Variants in ZDHHC2 observed in about 807,000 individuals in gnomAD.
ZDHHC2 encodes zDHHC palmitoyltransferase 2, also known as palmitoyltransferase ZDHHC2.
ZDHHC2 carries 51 observed loss-of-function variants against 55.6 expected under a neutral mutation model. The ratio of observed to expected loss-of-function variants is 0.92; its 90% CI spans 0.73 to 1.16. The LOEUF is 1.16. ZDHHC2 is among the 50% of genes most tolerant of loss of function. The pLI, the probability that ZDHHC2 is intolerant of heterozygous loss-of-function variation, is 0.00. For missense variants in ZDHHC2, 491 were observed against 442.4 expected (o/e 1.11, Z -0.99); for synonymous variants, 199 against 152.9 (o/e 1.30, Z -2.22).
intron 1 of ZDHHC2, 90 bp downstream of exon 1, chr8:17,156,943 C>G (rs906521718): frequency 2.2e-5 from 27 of 1,238,378 alleles, no homozygotes; most frequent in Non-Finnish European, 2.7e-5. Flanking sequence ...GCTCTCGCCC[C>G]CCGGATGCGC....
chr8:17,195,201 T>C (rs963113207), intron 3 of ZDHHC2, among the ~76,000 whole-genome samples: 1 of 152,224 alleles, frequency 6.6e-6, no homozygotes, highest in Non-Finnish European at 1.5e-5. Flanking sequence ...GTAACTCATA[T>C]TTTGTTGGAA....
intron 1 of ZDHHC2, among the ~76,000 whole-genome samples, chr8:17,162,003 C>G (rs1804368084): frequency 6.6e-6 from 1 of 152,148 alleles, no homozygotes; most frequent in African/African-American, 2.4e-5. Flanking sequence ...AACATTTCTT[C>G]AAATCAAAAA....
chr8:17,191,392 C>T (rs1218266898), intron 3 of ZDHHC2, among the ~76,000 whole-genome samples: 8 of 152,184 alleles, frequency 5.3e-5, no homozygotes, highest in Non-Finnish European at 1.0e-4. Flanking sequence ...CCACTGCGCC[C>T]AGCCTTATTC....
At chr8:17,208,425 C>G (rs17124212) in intron 8 of ZDHHC2, among the ~76,000 whole-genome samples, 21,186 of 151,558 alleles carry the variant, frequency 0.14, 1,561 homozygotes, top group South Asian at 0.25. Flanking sequence ...TTTAGAAACA[C>G]TCCATGTGGC....
At chr8:17,173,418 G>C (rs1804964926) in intron 1 of ZDHHC2, among the ~76,000 whole-genome samples, 1 of 152,154 alleles carries the variant, frequency 6.6e-6, no homozygotes, top group Admixed American at 6.5e-5. Context: ...GCTCATGCCT[G>C]TCATCCCAGC....
intron 6 of ZDHHC2, among the ~76,000 whole-genome samples, chr8:17,199,033 C>G (rs557888498): frequency 6.6e-6 from 1 of 152,292 alleles, no homozygotes; most frequent in African/African-American, 2.4e-5. Context: ...AGGCATATCT[C>G]TGACAGTCAT....
At chr8:17,182,587 T>TA (rs560109776) in intron 1 of ZDHHC2, among the ~76,000 whole-genome samples, 77 of 152,156 alleles carry the variant, frequency 5.1e-4, no homozygotes, top group South Asian at 3.7e-3. Flanking sequence ...TGTGTACTTT[T>TA]AAAAAAATAG....
chr8:17,200,621 A>C (rs1290653984), intron 6 of ZDHHC2, among the ~76,000 whole-genome samples: 1 of 152,232 alleles, frequency 6.6e-6, no homozygotes, highest in African/African-American at 2.4e-5. Context: ...ACAAAATTAC[A>C]AAAAGAGAAA....
intron 1 of ZDHHC2, among the ~76,000 whole-genome samples, chr8:17,177,884 A>C (rs1215945764): frequency 6.6e-6 from 1 of 152,138 alleles, no homozygotes; most frequent in Non-Finnish European, 1.5e-5. Flanking sequence ...ATGAGCAATA[A>C]AGGTAAATTA....
At chr8:17,209,296 G>A (rs1807257827) in intron 8 of ZDHHC2, among the ~76,000 whole-genome samples, 1 of 151,996 alleles carries the variant, frequency 6.6e-6, no homozygotes, top group Non-Finnish European at 1.5e-5. Flanking sequence ...ATAGTCAGCT[G>A]GAAAAATTTT....
intron 3 of ZDHHC2, among the ~76,000 whole-genome samples, chr8:17,189,500 CAA>C (rs1000907820): frequency 2.6e-5 from 4 of 152,192 alleles, no homozygotes; most frequent in Admixed American, 6.5e-5. Context: ...AGAAGGTACT[CAA>C]GAGATACTTT....
Position 17,191,825 on chromosome 8 carries a change from G to T in ZDHHC2, c.253-3679G>T, listed in dbSNP as rs552707632. On this transcript the variant is annotated intron_variant, in intron 3 of 12. Transcript: ENST00000262096. ...TAACATACTTGTTTCCTTTCTTTTG[G>T]GTATATACTCACAGTAGAATTGCTG... Among the ~76,000 whole-genome samples the T allele has an allele frequency of 3.9e-5, 6 of 152,026 alleles. No individual in the cohort carries two copies. In the South Asian group the frequency reaches 1.2e-3, roughly 32 times the overall value.
intron 1 of ZDHHC2, among the ~76,000 whole-genome samples, chr8:17,174,885 GT>G (rs898715041): frequency 2.0e-5 from 3 of 150,836 alleles, no homozygotes; most frequent in Admixed American, 6.6e-5. Context: ...TAATTGTGGG[GT>G]TTTTTTTGTT....
In ZDHHC2 at chr8:17,185,407, AGCACCTTGGGAG is replaced by A. The variant is rs530521250; in HGVS notation, c.157+595_157+606del. Among the ~76,000 whole-genome samples the A allele has an allele frequency of 3.3e-5, 5 of 152,278 alleles. No individual in the cohort carries two copies. In the East Asian group the frequency reaches 9.7e-4, roughly 29 times the overall value. ...CACAGTGGCTCATGCCTGTAATCTC[AGCACCTTGGGAG>A]GCCAAAGCGGGCAGATCATTTGAGG... On this transcript the variant is annotated intron_variant, in intron 2 of 12. Coordinates refer to ENST00000262096, the MANE Select transcript of ZDHHC2 (RefSeq NM_016353.5).
intron 1 of ZDHHC2, among the ~76,000 whole-genome samples, chr8:17,160,601 C>T (rs2150874304): frequency 6.6e-6 from 1 of 152,302 alleles, no homozygotes; most frequent in South Asian, 2.1e-4. Context: ...CCCAGCAAAC[C>T]CCTCTCCAAA....
chr8:17,161,308 C>G (rs1585634915), intron 1 of ZDHHC2, among the ~76,000 whole-genome samples: 1 of 152,154 alleles, frequency 6.6e-6, no homozygotes, highest in African/African-American at 2.4e-5. Context: ...TTATTAATAT[C>G]TTGATATTCC....
chr8:17,174,902 G>C lies in ZDHHC2; in HGVS notation c.131-9887G>C, dbSNP rs186706169. Among the ~76,000 whole-genome samples, 25 of 151,396 alleles carry C rather than the reference G, an allele frequency of 1.7e-4. No individual in the cohort carries two copies. In the East Asian group the frequency reaches 4.3e-3, roughly 26 times the overall value. ...ATTGTGGGGTTTTTTTTGTTTGTTT[G>C]TTTTAGTAGAGACAGAGTTTTACCA... On this transcript the variant is annotated intron_variant, in intron 1 of 12. Coordinates refer to ENST00000262096, the MANE Select transcript of ZDHHC2 (RefSeq NM_016353.5).
chr8:17,223,473 A>T lies in ZDHHC2; in HGVS notation c.*3252A>T, dbSNP rs1808001028. 1 of 151,876 alleles carries T rather than the reference A, an allele frequency of 6.6e-6. No individual in the cohort carries two copies. The highest frequency in any genetic ancestry group is 1.5e-5 in the Non-Finnish European group (1 of 67,786). 9.4% of individuals were successfully genotyped at this position (151,876 alleles called of 1,614,324 possible). A position where few individuals can be genotyped will look rare whatever the true frequency, so the allele number is the denominator to read the frequency against. ...AGAAACGTGTTCTTCTAAAGCAGAAAACCACGTGGCTTAATCCCAAATGTT... is the reference window on the plus strand; with the variant it reads ...AGAAACGTGTTCTTCTAAAGCAGAATACCACGTGGCTTAATCCCAAATGTT... On this transcript the variant is annotated 3_prime_UTR_variant, in exon 13 of 13. Coordinates refer to ENST00000262096, the MANE Select transcript of ZDHHC2 (RefSeq NM_016353.5).
Position 17,215,224 on chromosome 8 carries a change from AATT to A in ZDHHC2, c.951-6_951-4del. The A allele has an allele frequency of 6.4e-7, 1 of 1,558,022 alleles. No individual in the cohort carries two copies. The highest frequency in any genetic ancestry group is 8.7e-7 in the Non-Finnish European group (1 of 1,150,374). ...CTTATGATGATTTTGATGATTATTC[AATT>A]ATTATTCAGTCTCGAAAACCATCAG... On this transcript the variant is annotated splice_polypyrimidine_tract_variant and intron_variant, in intron 10 of 12. Coordinates refer to ENST00000262096, the MANE Select transcript of ZDHHC2 (RefSeq NM_016353.5).
Sources: allele counts gnomAD v4.1 joint callset (sites outside exome capture counted in the v4.1 genomes callset), GRCh38; gene constraint gnomAD v4.1.1; transcripts MANE v1.5; gene names NCBI Gene and HGNC (gene_info 2026-07-23, HGNC 2026-07-21).